CFAP65: variants seen among roughly 807,000 people sequenced by gnomAD.
The protein encoded by CFAP65 is cilia and flagella associated protein 65, also known as cilia- and flagella-associated protein 65.
A neutral mutation model predicts 208.0 loss-of-function variants in CFAP65; 155 were observed. The ratio of observed to expected loss-of-function variants is 0.75; its 90% CI spans 0.65 to 0.85. CFAP65 has a LOEUF of 0.85. Ranked by LOEUF, CFAP65 falls within the 40% of genes least tolerant of loss-of-function variation. The pLI is 0.00. For synonymous variants in CFAP65, 970 were observed against 986.3 expected (o/e 0.98, Z 0.31); for missense variants, 2,294 against 2,451.3 (o/e 0.94, Z 1.36).
In CFAP65 at chr2:219,031,788, TC is replaced by T; in HGVS notation, c.646-131del. On this transcript the variant is annotated intron_variant, in intron 6 of 34. Transcript: ENST00000341552. This position sits in a 1 kb window ranked among gnomAD's most constrained non-coding sequence, Gnocchi z 5.2. ...CCAGGCCGTGGCACCCACGTCAGACTCTGAGGGGAGCTGGGCACCTATGTTG... is the reference window on the plus strand; with the variant it reads ...CCAGGCCGTGGCACCCACGTCAGACTTGAGGGGAGCTGGGCACCTATGTTG... 1.9e-6 allele frequency: 2 copies of T among 1,058,732 alleles called. No homozygotes were observed. The highest frequency in any genetic ancestry group is 5.1e-5 in the East Asian group (2 of 39,010). 65.6% of individuals were successfully genotyped at this position (1,058,732 alleles called of 1,614,324 possible). A position where few individuals can be genotyped will look rare whatever the true frequency, so the allele number is the denominator to read the frequency against.
Position 219,029,970 on chromosome 2 carries a change from C to A in CFAP65, c.1384+16G>T, listed in dbSNP as rs989976246. 2 of 1,612,258 alleles carry A rather than the reference C, an allele frequency of 1.2e-6. No individual in the cohort carries two copies. The highest frequency in any genetic ancestry group is 1.7e-6 in the Non-Finnish European group (2 of 1,178,884). On this transcript the variant is annotated intron_variant, in intron 10 of 34. Coordinates refer to ENST00000341552, the MANE Select transcript of CFAP65 (RefSeq NM_194302.4). ...CTGCTCCTGTCCCCAGGGGAGGCCCCTGGGGTCACCGGTACCTCTACAGAA... is the reference window on the plus strand; with the variant it reads ...CTGCTCCTGTCCCCAGGGGAGGCCCATGGGGTCACCGGTACCTCTACAGAA...
chr2:219,013,791 T>C, intron 22 of CFAP65, 77 bp downstream of exon 22: 3 of 1,385,856 alleles, frequency 2.2e-6, no homozygotes, highest in Non-Finnish European at 3.0e-6. Flanking sequence ...TGGGGTGCCC[T>C]GGAGTCATAC....
Position 219,010,723 on chromosome 2 carries a change from G to C in CFAP65, c.4150-19C>G. 6.3e-7 allele frequency: 1 copy of C among 1,598,464 alleles called. No individual in the cohort carries two copies. The highest frequency in any genetic ancestry group is 1.7e-5 in the Admixed American group (1 of 57,976). On this transcript the variant is annotated intron_variant, in intron 25 of 34. Coordinates refer to ENST00000341552, the MANE Select transcript of CFAP65 (RefSeq NM_194302.4). Reference sequence around the variant, plus strand: ...CGTCCACCTGGGGAGTTAGGAGGGTGGGGGTAGGGACTGGTCAGAGGGAGG... The same window carrying C: ...CGTCCACCTGGGGAGTTAGGAGGGTCGGGGTAGGGACTGGTCAGAGGGAGG...
At position 219,004,020 on chromosome 2, in the gene CFAP65, C is replaced by T; in HGVS notation, c.5487G>A (p.Gln1829=). 1 of 1,614,132 alleles carries T rather than the reference C, an allele frequency of 6.2e-7. No homozygotes were observed. Residue 1829 remains glutamine, a synonymous_variant, in exon 33 of 35, where the codon CAG becomes CAA. Coordinates refer to ENST00000341552, the MANE Select transcript of CFAP65 (RefSeq NM_194302.4). This position sits in a 1 kb window ranked among gnomAD's most constrained non-coding sequence, Gnocchi z 4.7. ...QPESQESMQW[Q]WQQQLNVMVK... ...CCATGACATTCAGCTGCTGTTGCCA[C>T]TGCCATTGCATGGACTCCTGGGACT... is the stretch of plus-strand genomic sequence containing the variant.
chr2:219,025,823 C>T (rs1947591332), intron 14 of CFAP65, among the ~76,000 whole-genome samples, 199 bp downstream of exon 14: 1 of 152,178 alleles, frequency 6.6e-6, no homozygotes, highest in African/African-American at 2.4e-5. Context: ...AGACTCTCCC[C>T]AGTCCCAGTG....
In CFAP65 at chr2:219,038,960, A is replaced by G. The variant is rs759199228; in HGVS notation, c.89T>C (p.Ile30Thr). 6.2e-7 allele frequency: 1 copy of G among 1,614,008 alleles called. No individual in the cohort carries two copies. The highest frequency in any genetic ancestry group is 1.3e-5 in the African/African-American group (1 of 75,052). Residue 30 changes from isoleucine to threonine, a missense_variant, in exon 3 of 35, where the codon ATT (isoleucine) becomes ACT (threonine). Ile to Thr is a moderately conservative substitution (Grantham distance 89). Coordinates refer to ENST00000341552, the MANE Select transcript of CFAP65 (RefSeq NM_194302.4). ...SVSFASSFPL[I>T]PLLLRGKSVQ... The stretch of plus-strand genomic sequence containing the variant: ...ACTCTTGCCTCTTAGGAGAAGAGGA[A>G]TAAGGGGGAAAGAAGAGGCAAATGA...
chr2:219,030,259 G>C (rs1947929165), intron 9 of CFAP65, 51 bp from the exon 10 acceptor site: 1 of 1,562,390 alleles, frequency 6.4e-7, no homozygotes, highest in Non-Finnish European at 8.8e-7. Flanking sequence ...GCAGAGCACT[G>C]TATGATGGGA....
At chr2:219,029,882 T>A in intron 10 of CFAP65, 104 bp downstream of exon 10, 1 of 1,231,388 alleles carries the variant, frequency 8.1e-7, no homozygotes, top group Non-Finnish European at 1.1e-6. Context: ...ACACCCAGGC[T>A]GAGGCAAGGT....
At chr2:219,026,245 G>A (rs992915195) in intron 13 of CFAP65, 86 bp from the exon 14 acceptor site, 3 of 1,439,006 alleles carry the variant, frequency 2.1e-6, no homozygotes, top group Non-Finnish European at 2.8e-6. Flanking sequence ...TTGCCCTTGT[G>A]CTGCAGGAGT....
In CFAP65 at chr2:219,017,086, G is replaced by A. The variant is rs151214984; in HGVS notation, c.3602+1965C>T. ...CAGCACATATGACCCCGCAACAGGAGGCTAGTCTGCAGCGCCTCGAGGGAA... is the reference window on the plus strand; with the variant it reads ...CAGCACATATGACCCCGCAACAGGAAGCTAGTCTGCAGCGCCTCGAGGGAA... On this transcript the variant is annotated intron_variant, in intron 21 of 34. Coordinates refer to ENST00000341552, the MANE Select transcript of CFAP65 (RefSeq NM_194302.4). Among the ~76,000 whole-genome samples, 106 of 152,328 alleles carry A rather than the reference G, an allele frequency of 7.0e-4. No individual in the cohort carries two copies. In the East Asian group the frequency reaches 0.017, roughly 25 times the overall value.
chr2:219,015,863 T>G (rs1052335152), intron 21 of CFAP65: 7 of 152,218 alleles, frequency 4.6e-5, no homozygotes, highest in African/African-American at 4.8e-5. Flanking sequence ...TACAGCTATT[T>G]AAAAGAATGC....
chr2:219,026,180 C>T (rs748714930), intron 13 of CFAP65, 21 bp from the exon 14 acceptor site: 23 of 1,598,666 alleles, frequency 1.4e-5, no homozygotes, highest in African/African-American at 1.2e-4. Context: ...GCCAGACCCA[C>T]GGAAAAGCTC....
intron 21 of CFAP65, 73 bp downstream of exon 21, chr2:219,018,978 T>C (rs1248416173): frequency 6.3e-7 from 1 of 1,589,020 alleles, no homozygotes; most frequent in Admixed American, 1.7e-5. Flanking sequence ...GGCAAGAGAG[T>C]GCAGCTCTTG....
intron 5 of CFAP65, chr2:219,033,898 T>G (rs1373845605): frequency 2.6e-5 from 4 of 152,080 alleles, no homozygotes; most frequent in Non-Finnish European, 5.9e-5. Context: ...AAATAAATTA[T>G]TAGAATAAGA....
chr2:219,026,094 C>T lies in CFAP65; in HGVS notation c.2277G>A (p.Val759=). Reference sequence around the variant, plus strand: ...CGAAATAGCTGTGGCCTCGTGCCCGCACCGTCAGGCACCAGGATGGGCACA... The same window carrying T: ...CGAAATAGCTGTGGCCTCGTGCCCGTACCGTCAGGCACCAGGATGGGCACA... ...CTMCPSWCLT[V]RARGHSYFAG... Residue 759 remains valine (V), a synonymous_variant, in exon 14 of 35, where the codon GTG becomes GTA. Transcript: ENST00000341552. 2 of 1,614,080 alleles carry T rather than the reference C, an allele frequency of 1.2e-6. No individual in the cohort carries two copies. Among genetic ancestry groups the T allele is most frequent in the Non-Finnish European group, 1.7e-6 (2 of 1,179,986 alleles).
rs1295961866 is a variant in CFAP65, at chr2:219,004,865, G to A, written c.5052-410C>T. On this transcript the variant is annotated intron_variant, in intron 32 of 34. Transcript: ENST00000341552. This position sits in a 1 kb window ranked among gnomAD's most constrained non-coding sequence, Gnocchi z 4.7. ...GACCGTGGTGGGATCTTGCAAAGAAGTTCTGTTTCTTTTTTTCTTTTCTCT... is the reference window on the plus strand; with the variant it reads ...GACCGTGGTGGGATCTTGCAAAGAAATTCTGTTTCTTTTTTTCTTTTCTCT... 6.7e-6 allele frequency among the ~76,000 whole-genome samples: 1 copy of A among 150,296 alleles called. No homozygotes were observed. Among genetic ancestry groups the A allele is most frequent in the African/African-American group, 2.5e-5 (1 of 39,780 alleles).
Position 219,024,168 on chromosome 2 carries a change from G to T in CFAP65, c.2442C>A (p.Pro814=), listed in dbSNP as rs768531428. ...DCKLLTFSLA[P]QRGSDVILRP... ...GAAGGATGACGTCTGAGCCTCTCTG[G>T]GGGGCCAGGCTGAAGGTCAGCAGCT... The change falls in exon 15 of 35, where the codon CCC becomes CCA. Residue 814 remains proline, a synonymous_variant. Coordinates refer to ENST00000341552, the MANE Select transcript of CFAP65 (RefSeq NM_194302.4). The T allele has an allele frequency of 3.1e-6, 5 of 1,613,914 alleles. No individual in the cohort carries two copies. The South Asian group carries it at 4.4e-5, about 14-fold the overall frequency.
At chr2:219,022,425 T>C (rs1947329448) in intron 16 of CFAP65, 96 bp from the exon 17 acceptor site, 1 of 1,392,332 alleles carries the variant, frequency 7.2e-7, no homozygotes, top group Admixed American at 2.0e-5. Context: ...CATGCTACGT[T>C]AGCCCTTTCT....
chr2:219,014,219 G>A (rs575760242), intron 21 of CFAP65, 175 bp from the exon 22 acceptor site: 40 of 509,556 alleles, frequency 7.8e-5, no homozygotes, highest in African/African-American at 3.3e-4. Context: ...GTGGATTCTC[G>A]TTTCATAATG....
Sources: gnomAD v4.1 joint callset for allele counts (sites outside exome capture counted in the v4.1 genomes callset) on GRCh38, gnomAD v4.1.1 for gene constraint, Gnocchi (gnomAD v3.1) non-coding constraint, MANE v1.5 for transcripts, NCBI Gene and HGNC (gene_info 2026-07-23, HGNC 2026-07-21) for gene names.